The following COL6A3 variants were observed in gnomAD, a reference collection of about 807,000 sequenced individuals.
COL6A3 encodes the protein collagen alpha-3(VI) chain.
COL6A3 carries 137 observed loss-of-function variants against 274.1 expected under a neutral mutation model. The ratio of observed to expected loss-of-function variants is 0.50; its 90% CI spans 0.44 to 0.58. The LOEUF (loss-of-function observed/expected upper bound fraction) is 0.58, where lower values mean the gene tolerates loss of function less well. COL6A3 is among the 20% of genes least tolerant of loss of function. The pLI is 0.00. For synonymous variants in COL6A3, 1,650 were observed against 1,650.6 expected (o/e 1.00, Z 0.01); for missense variants, 3,950 against 4,124.9 (o/e 0.96, Z 1.16).
intron 32 of COL6A3, among the ~76,000 whole-genome samples, chr2:237,346,121 A>G (rs1559209459): frequency 6.6e-6 from 1 of 152,206 alleles, no homozygotes; most frequent in Non-Finnish European, 1.5e-5. Context: ...TTCATAGACC[A>G]CAGGAAGCAT....
rs2078909643 is a variant in COL6A3, at chr2:237,413,650, T to A, written c.-31+303A>T. On this transcript the variant is annotated intron_variant, in intron 1 of 43. Transcript: ENST00000295550. This position sits in a 1 kb window ranked among gnomAD's most constrained non-coding sequence, Gnocchi z 4.0. ...AGAAGGCGGCAGTAACTTAAATAAA[T>A]CATGGGCCGAAACACACTGCCGCCC... is the stretch of plus-strand genomic sequence containing the variant. Among the ~76,000 whole-genome samples, 1 of 152,126 alleles carries A rather than the reference T, an allele frequency of 6.6e-6. No homozygotes were observed. Among genetic ancestry groups the A allele is most frequent in the Non-Finnish European group, 1.5e-5 (1 of 68,036 alleles).
At chr2:237,357,285 C>A in intron 23 of COL6A3, 53 bp downstream of exon 23, 1 of 1,513,504 alleles carries the variant, frequency 6.6e-7, no homozygotes, top group African/African-American at 1.4e-5. Flanking sequence ...TTGGGCAGAT[C>A]TTATGGCACT....
intron 38 of COL6A3, 76 bp downstream of exon 38, chr2:237,340,376 C>T: frequency 1.4e-6 from 2 of 1,391,606 alleles, no homozygotes; most frequent in Non-Finnish European, 2.0e-6. Flanking sequence ...TTGTCTTTTC[C>T]ATGACTGTTC....
intron 28 of COL6A3, among the ~76,000 whole-genome samples, chr2:237,349,428 G>T (rs2077160591): frequency 6.6e-6 from 1 of 152,208 alleles, no homozygotes; most frequent in African/African-American, 2.4e-5. Context: ...GTGCTTCTGA[G>T]ATTAAAAGTA....
At chr2:237,341,234 G>A (rs543584590) in intron 37 of COL6A3, 84 bp from the exon 38 acceptor site, 135 of 1,323,908 alleles carry the variant, frequency 1.0e-4, no homozygotes, top group Non-Finnish European at 1.2e-4. Context: ...AGACTTGGGC[G>A]ATTAAAATGA....
Position 237,413,410 on chromosome 2 carries a change from G to C in COL6A3, c.-31+543C>G, listed in dbSNP as rs2078903950. Among the ~76,000 whole-genome samples, 1 of 152,232 alleles carries C rather than the reference G, an allele frequency of 6.6e-6. No homozygotes were observed. The highest frequency in any genetic ancestry group is 6.5e-5 in the Admixed American group (1 of 15,288). ...CTTGGCCCTGATCCTGAGCACCAGA[G>C]TTACTCCAATCTTGTGAAAGCAGCA... On this transcript the variant is annotated intron_variant, in intron 1 of 43. Transcript: ENST00000295550. This position sits in a 1 kb window ranked among gnomAD's most constrained non-coding sequence, Gnocchi z 4.0.
chr2:237,353,348 C>G lies in COL6A3; in HGVS notation c.6683G>C (p.Gly2228Ala). The G allele has an allele frequency of 6.2e-7, 1 of 1,614,184 alleles. No individual in the cohort carries two copies. Among genetic ancestry groups the G allele is most frequent in the Non-Finnish European group, 8.5e-7 (1 of 1,180,024 alleles). The change falls in exon 25 of 44, where the codon GGT (glycine) becomes GCT (alanine). Residue 2228 changes from glycine (G) to alanine (A), a missense_variant. Coordinates refer to ENST00000295550, the MANE Select transcript of COL6A3 (RefSeq NM_004369.4). ...PGFEGEQGTR[G>A]AQGPAGPAGP... ...ACACACGGAAGCACTCACCTGTGCACCTCTGGTCCCCTGCTCTCCCTCAAA... is the reference window on the plus strand; with the variant it reads ...ACACACGGAAGCACTCACCTGTGCAGCTCTGGTCCCCTGCTCTCCCTCAAA...
At position 237,359,348 on chromosome 2, in the gene COL6A3, C is replaced by T; in HGVS notation, c.6309+14G>A. The T allele has an allele frequency of 1.2e-6, 2 of 1,614,104 alleles. No individual in the cohort carries two copies. The highest frequency in any genetic ancestry group is 2.2e-5 in the South Asian group (2 of 91,074). ...AGAGTTTTCCATTTGTAAAACAAAA[C>T]CAAGCTTGCATACCTTCTCTCCTGG... On this transcript the variant is annotated intron_variant, in intron 18 of 43. Coordinates refer to ENST00000295550, the MANE Select transcript of COL6A3 (RefSeq NM_004369.4).
intron 7 of COL6A3, 106 bp from the exon 8 acceptor site, chr2:237,375,126 C>T (rs1574711343): frequency 6.5e-7 from 1 of 1,535,374 alleles, no homozygotes; most frequent in Non-Finnish European, 8.9e-7. Context: ...AAGTCCAAAT[C>T]CCCGAACTTG....
At position 237,372,060 on chromosome 2, in the gene COL6A3, C is replaced by T; in HGVS notation, c.3957G>A (p.Val1319=). The T allele has an allele frequency of 1.9e-6, 3 of 1,614,084 alleles. No homozygotes were observed. Among genetic ancestry groups the T allele is most frequent in the Non-Finnish European group, 2.5e-6 (3 of 1,180,040 alleles). The stretch of plus-strand genomic sequence containing the variant: ...GGGGCCTCTTGAAGATGTTCCTGGA[C>T]ACGTACTCCAGGGCATTGCCCACGT... ...QINVGNALEY[V]SRNIFKRPLG... Residue 1319 remains valine (V), a synonymous_variant, in exon 9 of 44, where the codon GTG becomes GTA. Transcript: ENST00000295550.
intron 3 of COL6A3, among the ~76,000 whole-genome samples, chr2:237,393,275 A>T (rs372182730): frequency 2.7e-4 from 41 of 152,312 alleles, no homozygotes; most frequent in African/African-American, 8.7e-4. Context: ...GTAATCTCTG[A>T]TAGCAACTGG....
rs146701575 is a variant in COL6A3 at position 237,332,106 on chromosome 2, TA to T, written c.9328+1343del. ...ATATATATATATATATATATATATA[TA>T]TATATATATATGAAAAGAAAAACAA... is the stretch of plus-strand genomic sequence containing the variant. On this transcript the variant is annotated intron_variant, in intron 42 of 43. Coordinates refer to ENST00000295550, the MANE Select transcript of COL6A3 (RefSeq NM_004369.4). Among the ~76,000 whole-genome samples, 234 of 26,924 alleles carry T rather than the reference TA, an allele frequency of 8.7e-3. 39 individuals are homozygous for T. Among genetic ancestry groups the T allele is most frequent in the East Asian group, 0.029 (17 of 586 alleles). 17.7% of individuals were successfully genotyped at this position (26,924 alleles called of 152,430 possible).
chr2:237,361,897 C>A lies in COL6A3; in HGVS notation c.6064-66G>T. On this transcript the variant is annotated intron_variant, in intron 14 of 43. Coordinates refer to ENST00000295550, the MANE Select transcript of COL6A3 (RefSeq NM_004369.4). The surrounding 1 kb of genome is among the most constrained non-coding windows in gnomAD (Gnocchi z 5.1). ...AATGCCCAGCAGAAAATCATAAATG[C>A]GCTTTAAGGGTCAAAATCGGATGTG... The A allele has an allele frequency of 1.4e-6, 2 of 1,416,352 alleles. No homozygotes were observed. The highest frequency in any genetic ancestry group is 2.3e-5 in the South Asian group (2 of 87,046). 87.7% of individuals were successfully genotyped at this position (1,416,352 alleles called of 1,614,324 possible).
rs1172157701 is a variant in COL6A3, at chr2:237,365,707, G to C, written c.5829C>G (p.Asp1943Glu). The C allele has an allele frequency of 3.7e-6, 6 of 1,614,178 alleles. No individual in the cohort carries two copies. The highest frequency in any genetic ancestry group is 5.1e-6 in the Non-Finnish European group (6 of 1,180,020). The change falls in exon 12 of 44, where the codon GAC (aspartate) becomes GAG (glutamate). Residue 1943 changes from aspartate (D) to glutamate (E), a missense_variant. This residue lies in a region of COL6A3 where 632 missense variants were observed against 623.4 expected (regional missense o/e 1.01). Coordinates refer to ENST00000295550, the MANE Select transcript of COL6A3 (RefSeq NM_004369.4). ...YLNKFRQSSP[D>E]SVKVVIHFTD... Reference sequence around the variant, plus strand: ...AACTGGCCCCACAGACCTTCACGCTGTCCGGCGAGGACTGTCTGAACTTGT... The same window carrying C: ...AACTGGCCCCACAGACCTTCACGCTCTCCGGCGAGGACTGTCTGAACTTGT...
chr2:237,363,183 C>A, intron 14 of COL6A3, 70 bp downstream of exon 14: 1 of 1,474,980 alleles, frequency 6.8e-7, no homozygotes, highest in Non-Finnish European at 9.4e-7. Flanking sequence ...TAATTAACTT[C>A]ATTCTCTTGA....
In COL6A3 at chr2:237,333,661, G is replaced by A. The variant is rs1027838465; in HGVS notation, c.9230-113C>T. ...TGTGATTAATGTCTTATGTTGGGGAGTGGTGATTGAAAGACACAGATCCAA... is the reference window on the plus strand; with the variant it reads ...TGTGATTAATGTCTTATGTTGGGGAATGGTGATTGAAAGACACAGATCCAA... On this transcript the variant is annotated intron_variant, in intron 41 of 43. Transcript: ENST00000295550. 1.1e-5 allele frequency: 10 copies of A among 891,960 alleles called. No individual in the cohort carries two copies. In the African/African-American group the frequency reaches 1.7e-4, roughly 15 times the overall value. 55.3% of individuals were successfully genotyped at this position (891,960 alleles called of 1,614,324 possible).
chr2:237,406,193 A>G (rs1479826035), intron 1 of COL6A3, among the ~76,000 whole-genome samples: 1 of 152,172 alleles, frequency 6.6e-6, no homozygotes, highest in Admixed American at 6.5e-5. Flanking sequence ...ATTCCAATGA[A>G]TATGATTTCC....
Position 237,378,789 on chromosome 2 carries a change from T to C in COL6A3, c.2344A>G (p.Asn782Asp). ...GCAATCTGCTCAAGCTCTGCCTTAT[T>C]CGCCTGGCTAGCTCCCACACAAAAA... ...LTFCVGASQA[N>D]KAELEQIAFN... Residue 782 changes from asparagine (N) to aspartate (D), a missense_variant, in exon 6 of 44, where the codon AAT (asparagine) becomes GAT (aspartate). Asn to Asp is a conservative substitution (Grantham distance 23). Coordinates refer to ENST00000295550, the MANE Select transcript of COL6A3 (RefSeq NM_004369.4). The C allele has an allele frequency of 6.2e-7, 1 of 1,614,232 alleles. No homozygotes were observed. Among genetic ancestry groups the C allele is most frequent in the Non-Finnish European group, 8.5e-7 (1 of 1,180,042 alleles).
intron 8 of COL6A3, among the ~76,000 whole-genome samples, chr2:237,373,032 T>C (rs749650437): frequency 6.6e-6 from 1 of 152,140 alleles, no homozygotes; most frequent in Non-Finnish European, 1.5e-5. Context: ...TCTTTGGGTT[T>C]ACTTGCATTT....
Sources: allele counts gnomAD v4.1 joint callset (sites outside exome capture counted in the v4.1 genomes callset), GRCh38; gene constraint gnomAD v4.1.1; regional missense constraint gnomAD v4.1.1; non-coding constraint Gnocchi (gnomAD v3.1); transcripts MANE v1.5; gene names NCBI Gene and HGNC (gene_info 2026-07-23, HGNC 2026-07-21).